TUSC3: variants seen among roughly 807,000 people sequenced by gnomAD.
TUSC3 encodes the protein tumor suppressor candidate 3.
A neutral mutation model predicts 44.8 loss-of-function variants in TUSC3; 45 were observed. The observed-to-expected ratio is 1.00, with a 90% CI of 0.79 to 1.29. The LOEUF is 1.29. TUSC3 is among the 50% of genes most tolerant of loss of function. The probability of loss-of-function intolerance (pLI) is 0.00; values close to 1 mark genes in which losing one functional copy is unlikely to be tolerated. For missense variants in TUSC3, 519 were observed against 437.9 expected (o/e 1.19, Z -1.65); for synonymous variants, 212 against 152.9 (o/e 1.39, Z -2.85).
chr8:15,636,240 T>G (rs764738000), intron 2 of TUSC3, among the ~76,000 whole-genome samples: 7 of 152,156 alleles, frequency 4.6e-5, no homozygotes, highest in Non-Finnish European at 8.8e-5. Context: ...TACTCAGGCC[T>G]GGGCATTTAG....
chr8:15,642,556 A>G (rs1806420958), intron 2 of TUSC3, among the ~76,000 whole-genome samples: 1 of 152,180 alleles, frequency 6.6e-6, no homozygotes, highest in African/African-American at 2.4e-5. Flanking sequence ...ATTCATTACA[A>G]TAAAGGTCTT....
chr8:15,572,472 C>G (rs752028941), intron 1 of TUSC3, among the ~76,000 whole-genome samples: 14 of 152,128 alleles, frequency 9.2e-5, no homozygotes, highest in Non-Finnish European at 1.8e-4. Context: ...TAAACTTTCT[C>G]TGTATCAGCA....
the TUSC3 span, among the ~76,000 whole-genome samples, chr8:15,829,870 A>G: frequency 6.6e-6 from 1 of 152,128 alleles, no homozygotes; most frequent in African/African-American, 2.4e-5. Flanking sequence ...AGAAATCTCA[A>G]TATTGTTTTG....
At chr8:15,593,332 C>T (rs949471200) in intron 1 of TUSC3, among the ~76,000 whole-genome samples, 6 of 152,046 alleles carry the variant, frequency 3.9e-5, no homozygotes, top group Non-Finnish European at 4.4e-5. Flanking sequence ...GTGATCCGCC[C>T]GCTTCGGCCT....
intron 2 of TUSC3, among the ~76,000 whole-genome samples, chr8:15,632,896 A>G (rs1439619380): frequency 1.3e-5 from 2 of 152,184 alleles, no homozygotes; most frequent in South Asian, 2.1e-4. Flanking sequence ...ACTTTCTGGT[A>G]CAAGATATTC....
chr8:15,455,509 A>G (rs1800243468), intron 1 of TUSC3, among the ~76,000 whole-genome samples: 1 of 152,158 alleles, frequency 6.6e-6, no homozygotes, highest in Non-Finnish European at 1.5e-5. Context: ...ACATGTATAT[A>G]TGTGTATATA....
At chr8:15,722,670 A>G (rs1810345426) in intron 6 of TUSC3, among the ~76,000 whole-genome samples, 1 of 152,020 alleles carries the variant, frequency 6.6e-6, no homozygotes, top group Admixed American at 6.6e-5. Context: ...GCTTGGGTGC[A>G]ACTTGCCACA....
chr8:15,468,237 T>C lies in TUSC3; in HGVS notation n.92-15149T>C, dbSNP rs542926893. Among the ~76,000 whole-genome samples, 22 of 152,294 alleles carry C rather than the reference T, an allele frequency of 1.4e-4. 1 individual carries two copies. The highest frequency in any genetic ancestry group is 5.1e-4 in the African/African-American group (21 of 41,570). On this transcript the variant is annotated intron_variant and non_coding_transcript_variant, in intron 1 of 5. Transcript: ENST00000503191. Reference sequence around the variant, plus strand: ...GAAGCAAAGAGGACAGATGCCCTGGTGGAATCCCACAGACAGCTGCTTAAT... The same window carrying C: ...GAAGCAAAGAGGACAGATGCCCTGGCGGAATCCCACAGACAGCTGCTTAAT...
intron 1 of TUSC3, among the ~76,000 whole-genome samples, chr8:15,545,528 C>A (rs1801835083): frequency 6.6e-6 from 1 of 151,664 alleles, no homozygotes; most frequent in African/African-American, 2.4e-5. Context: ...AAAGATGGTC[C>A]AGAACAAGTC....
rs771568909 is a variant in TUSC3, at chr8:15,650,751, T to G, written c.363T>G (p.Ala121=). 1 of 1,614,172 alleles carries G rather than the reference T, an allele frequency of 6.2e-7. No individual in the cohort carries two copies. The highest frequency in any genetic ancestry group is 8.5e-7 in the Non-Finnish European group (1 of 1,180,018). Residue 121 remains alanine (A), a synonymous_variant, in exon 3 of 11, where the codon GCT becomes GCG. Transcript: ENST00000503731. ...ILANSWRYSS[A]FCNKLFFSMV... is the part of the protein sequence containing the mutation. ...CGAACTCCTGGCGCTATTCATCTGCTTTTTGTAACAAGCTCTTCTTCAGTA... is the reference window on the plus strand; with the variant it reads ...CGAACTCCTGGCGCTATTCATCTGCGTTTTGTAACAAGCTCTTCTTCAGTA...
the TUSC3 span, among the ~76,000 whole-genome samples, chr8:15,850,111 CTTT>C: frequency 6.9e-6 from 1 of 145,310 alleles, no homozygotes; most frequent in Non-Finnish European, 1.5e-5. Context: ...CTTGTTTATC[CTTT>C]TTTTTTTTTT....
chr8:15,503,757 C>T (rs1032624835), intron 2 of TUSC3, among the ~76,000 whole-genome samples: 1 of 151,950 alleles, frequency 6.6e-6, no homozygotes, highest in Non-Finnish European at 1.5e-5. Context: ...AATTCCGGCA[C>T]TTTGGGATCC....
rs114723055 is a variant in TUSC3, at chr8:15,511,183, A to G, written n.189+27700A>G. 9.9e-3 allele frequency among the ~76,000 whole-genome samples: 1,513 copies of G among 152,182 alleles called. 23 individuals are homozygous for G. The highest frequency in any genetic ancestry group is 0.034 in the African/African-American group (1,419 of 41,496). On this transcript the variant is annotated intron_variant and non_coding_transcript_variant, in intron 2 of 5. Coordinates refer to the TUSC3 transcript ENST00000503191. Reference sequence around the variant, plus strand: ...CCCATAAGTTCAAATACAGGTCAAGAAGGTTCACTCTTACTACTCCTATTC... The same window carrying G: ...CCCATAAGTTCAAATACAGGTCAAGGAGGTTCACTCTTACTACTCCTATTC...
At chr8:15,827,593 T>A in the TUSC3 span, among the ~76,000 whole-genome samples, 1 of 152,194 alleles carries the variant, frequency 6.6e-6, no homozygotes, top group Admixed American at 6.5e-5. Flanking sequence ...AGGCTTGAAA[T>A]TGTTTCTAAG....
At chr8:15,744,085 C>T (rs1258835945) in intron 8 of TUSC3, among the ~76,000 whole-genome samples, 1 of 152,182 alleles carries the variant, frequency 6.6e-6, no homozygotes, top group Non-Finnish European at 1.5e-5. Flanking sequence ...CGTTCCAAAG[C>T]TTCCTTTAAC....
At chr8:15,680,010 G>C (rs1312035136) in intron 6 of TUSC3, among the ~76,000 whole-genome samples, 1 of 151,782 alleles carries the variant, frequency 6.6e-6, no homozygotes, top group Admixed American at 6.6e-5. Flanking sequence ...GTTTGATGTT[G>C]GGTAATATCC....
intron 7 of TUSC3, among the ~76,000 whole-genome samples, chr8:15,737,146 T>C (rs2129211202): frequency 6.6e-6 from 1 of 152,256 alleles, no homozygotes; most frequent in African/African-American, 2.4e-5. Context: ...ACATTCCTTT[T>C]AATGTGTTAT....
At chr8:15,479,227 G>A (rs1202012332) in intron 1 of TUSC3, among the ~76,000 whole-genome samples, 2 of 152,138 alleles carry the variant, frequency 1.3e-5, no homozygotes, top group Admixed American at 6.5e-5. Context: ...CTCCCATTCT[G>A]TAGGTTGTCT....
chr8:15,449,480 C>G (rs900228403), intron 1 of TUSC3, among the ~76,000 whole-genome samples: 1 of 152,242 alleles, frequency 6.6e-6, no homozygotes, highest in East Asian at 1.9e-4. Context: ...GAATGCTGGT[C>G]AGATACTGCC....
Sources: allele counts gnomAD v4.1 joint callset (sites outside exome capture counted in the v4.1 genomes callset), GRCh38; gene constraint gnomAD v4.1.1; transcripts MANE v1.5; gene names NCBI Gene and HGNC (gene_info 2026-07-23, HGNC 2026-07-21).